Variants in POLA1 observed in about 807,000 individuals in gnomAD.
POLA1 encodes the protein DNA polymerase alpha catalytic subunit.
In POLA1, 15 loss-of-function variants were observed where a neutral mutation model predicts 124.0. That is an observed-to-expected ratio of 0.12 (90% CI 0.08 to 0.19). The LOEUF is 0.19. Among genes scored for constraint, POLA1 ranks in the 10% least tolerant of loss-of-function variants. The pLI is 1.00. For missense variants in POLA1, 886 were observed against 1,103.4 expected (o/e 0.80, Z 2.79); for synonymous variants, 408 against 389.4 (o/e 1.05, Z -0.56).
At chrX:24,881,554 T>G (rs2047000806) in intron 34 of POLA1, among the ~76,000 whole-genome samples, 1 of 111,771 alleles carries the variant, frequency 8.9e-6, no homozygotes, top group African/African-American at 3.3e-5. Context: ...ACCTCAATTC[T>G]GTATTCTTCG....
intron 2 of POLA1, 60 bp downstream of exon 2, chrX:24,699,609 G>C (rs1928278000): frequency 3.3e-6 from 3 of 918,853 alleles, no homozygotes; most frequent in Non-Finnish European, 4.3e-6. Flanking sequence ...TAGCCTGCAG[G>C]TAGTCTTATG....
At chrX:24,944,869 G>A (rs1272674928) in intron 36 of POLA1, among the ~76,000 whole-genome samples, 3 of 112,283 alleles carry the variant, frequency 2.7e-5, no homozygotes, top group Non-Finnish European at 3.8e-5. Context: ...TTAGGAAGGA[G>A]GAGCTTCAGG....
chrX:24,732,550 T>C (rs2148373256), intron 16 of POLA1, 96 bp downstream of exon 16: 2 of 564,796 alleles, frequency 3.5e-6, no homozygotes, highest in African/African-American at 2.3e-5. Context: ...TTTTCAAAAA[T>C]TGTTTTCAAG....
At chrX:24,732,923 C>G (rs1024238267) in intron 16 of POLA1, among the ~76,000 whole-genome samples, 1 of 111,809 alleles carries the variant, frequency 8.9e-6, no homozygotes, top group African/African-American at 3.2e-5. Flanking sequence ...GCATAAAATT[C>G]AATGGATGAA....
intron 4 of POLA1, among the ~76,000 whole-genome samples, chrX:24,709,977 C>A (rs1326206139): frequency 1.1e-5 from 1 of 90,506 alleles, no homozygotes. Context: ...TCCTCACTTC[C>A]CAGACGGGGT....
In POLA1 at chrX:24,821,594, G is replaced by A. The variant is rs747107213; in HGVS notation, c.3561+11G>A. The A allele has an allele frequency of 2.5e-6, 3 of 1,182,086 alleles. No individual in the cohort carries two copies. In the East Asian group the frequency reaches 9.0e-5, roughly 35 times the overall value. The stretch of plus-strand genomic sequence containing the variant: ...TATGTCATCTGTCAGGTAAACTATT[G>A]ACATTCGTAAGACTCTGACACCTCT... On this transcript the variant is annotated intron_variant, in intron 31 of 36. Transcript: ENST00000379068.
intron 26 of POLA1, among the ~76,000 whole-genome samples, chrX:24,770,393 C>A (rs1217973631): frequency 9.0e-6 from 1 of 111,725 alleles, no homozygotes; most frequent in Admixed American, 9.5e-5. Context: ...GAATGATGCC[C>A]ATGCCCACAG....
intron 34 of POLA1, among the ~76,000 whole-genome samples, chrX:24,862,414 C>A (rs181970346): frequency 8.9e-6 from 1 of 111,816 alleles, no homozygotes; most frequent in African/African-American, 3.2e-5. Context: ...TGCCTTATTT[C>A]TCCTCCTTAA....
chrX:24,843,542 G>C lies in POLA1; in HGVS notation c.3916-4G>C, dbSNP rs1601795343. On this transcript the variant is annotated splice_region_variant and splice_polypyrimidine_tract_variant and intron_variant, in intron 33 of 36. Coordinates refer to ENST00000379068, the MANE Select transcript of POLA1 (RefSeq NM_001330360.2). ...TTTTTGTATACTTCTCCTGACTTAT[G>C]TAGGGAACAGATATGGAGCCCAGCT... 1 of 1,177,319 alleles carries C rather than the reference G, an allele frequency of 8.5e-7. No individual in the cohort carries two copies. Among genetic ancestry groups the C allele is most frequent in the South Asian group, 1.9e-5 (1 of 51,388 alleles).
intron 34 of POLA1, among the ~76,000 whole-genome samples, chrX:24,887,174 T>A (rs762282255): frequency 8.9e-6 from 1 of 112,518 alleles, no homozygotes; most frequent in South Asian, 3.7e-4. Context: ...CCTCCTTTGT[T>A]TAACAGATAA....
At chrX:24,886,198 G>A (rs2047063536) in intron 34 of POLA1, among the ~76,000 whole-genome samples, 1 of 111,760 alleles carries the variant, frequency 8.9e-6, no homozygotes, top group Admixed American at 9.5e-5. Context: ...CTTTATGTGT[G>A]TGGACCTTGC....
intron 26 of POLA1, among the ~76,000 whole-genome samples, chrX:24,758,610 C>T (rs144044881): frequency 1.3e-4 from 15 of 112,452 alleles, no homozygotes; most frequent in African/African-American, 4.8e-4. Context: ...GAGAAGAAAG[C>T]TACATCAAGG....
chrX:24,815,193 C>A, intron 30 of POLA1, 82 bp downstream of exon 30: 2 of 888,468 alleles, frequency 2.3e-6, no homozygotes, highest in Non-Finnish European at 3.1e-6. Flanking sequence ...CCACCTCATC[C>A]TTGCAATTGA....
chrX:24,863,375 G>A (rs1171358417), intron 34 of POLA1, among the ~76,000 whole-genome samples: 3 of 110,701 alleles, frequency 2.7e-5, no homozygotes, highest in Admixed American at 9.6e-5. Flanking sequence ...ATTTACCATA[G>A]TAAGTCAACA....
chrX:24,968,715 A>G (rs1307035095), intron 36 of POLA1, among the ~76,000 whole-genome samples: 2 of 108,810 alleles, frequency 1.8e-5, no homozygotes, highest in Admixed American at 2.0e-4. Context: ...AAAAAAAAAA[A>G]AAAAAAAGAA....
chrX:24,849,122 T>C (rs1224007376), intron 34 of POLA1, among the ~76,000 whole-genome samples: 1 of 113,016 alleles, frequency 8.8e-6, no homozygotes, highest in Non-Finnish European at 1.9e-5. Flanking sequence ...GCTTCTGCAT[T>C]TATATTTAGA....
At chrX:24,733,216 T>G (rs762059498) in intron 16 of POLA1, among the ~76,000 whole-genome samples, 27 of 112,065 alleles carry the variant, frequency 2.4e-4, no homozygotes, top group Middle Eastern at 9.2e-3. Flanking sequence ...GTTTTCCCCC[T>G]TAAGTGGGTG....
chrX:24,699,582 G>A, intron 2 of POLA1, 33 bp downstream of exon 2: 1 of 1,076,016 alleles, frequency 9.3e-7, no homozygotes, highest in Non-Finnish European at 1.2e-6. Context: ...TATTCTTCCT[G>A]TGCATCATCT....
intron 36 of POLA1, among the ~76,000 whole-genome samples, chrX:24,951,676 G>C (rs1336677269): frequency 9.0e-6 from 1 of 111,028 alleles, no homozygotes; most frequent in African/African-American, 3.3e-5. Context: ...GGGTCTTCTT[G>C]AACATCTTAA....
Sources: allele counts gnomAD v4.1 joint callset (sites outside exome capture counted in the v4.1 genomes callset), GRCh38; gene constraint gnomAD v4.1.1; transcripts MANE v1.5; gene names NCBI Gene and HGNC (gene_info 2026-07-23, HGNC 2026-07-21).